Variants in TMC1 observed in about 807,000 individuals in gnomAD.
TMC1 encodes the protein transmembrane channel-like protein 1.
A neutral mutation model predicts 105.8 loss-of-function variants in TMC1; 84 were observed. The ratio of observed to expected loss-of-function variants is 0.79; its 90% CI spans 0.67 to 0.95. The LOEUF (loss-of-function observed/expected upper bound fraction) is 0.95, where lower values mean the gene tolerates loss of function less well. TMC1 is among the 40% of genes least tolerant of loss of function. TMC1 has a pLI of 0.00. For missense variants in TMC1, 817 were observed against 914.1 expected (o/e 0.89, Z 1.37); for synonymous variants, 315 against 311.5 (o/e 1.01, Z -0.12).
intron 12 of TMC1, among the ~76,000 whole-genome samples, chr9:72,763,653 G>A (rs1031928867): frequency 2.3e-4 from 35 of 152,160 alleles, no homozygotes; most frequent in African/African-American, 8.2e-4. Flanking sequence ...ATGATAAGAG[G>A]TGGCCTTATT....
chr9:72,805,287 C>A, intron 17 of TMC1, 95 bp from the exon 18 acceptor site: 3 of 1,406,384 alleles, frequency 2.1e-6, no homozygotes, highest in South Asian at 1.2e-5. Flanking sequence ...AGTCTTCAAG[C>A]CAATACTTCT....
At chr9:72,719,369 G>A (rs1826977200) in intron 8 of TMC1, among the ~76,000 whole-genome samples, 1 of 152,098 alleles carries the variant, frequency 6.6e-6, no homozygotes, top group African/African-American at 2.4e-5. Flanking sequence ...CTTTTCCTGT[G>A]GCTTCTTCTA....
chr9:72,789,069 G>C, intron 14 of TMC1, 54 bp from the exon 15 acceptor site: 1 of 1,545,326 alleles, frequency 6.5e-7, no homozygotes, highest in African/African-American at 1.4e-5. Flanking sequence ...TTAAAATGTA[G>C]CTAAGATATT....
intron 20 of TMC1, among the ~76,000 whole-genome samples, chr9:72,824,735 C>T (rs375073002): frequency 6.6e-6 from 1 of 152,146 alleles, no homozygotes; most frequent in African/African-American, 2.4e-5. Flanking sequence ...AGTATAGAAA[C>T]CCAACTAGGA....
At chr9:72,725,701 T>C (rs1224689332) in intron 8 of TMC1, among the ~76,000 whole-genome samples, 2 of 151,584 alleles carry the variant, frequency 1.3e-5, no homozygotes, top group South Asian at 2.1e-4. Context: ...CTCTCTCTCT[T>C]TTTTTTTGAG....
intron 18 of TMC1, 60 bp from the exon 19 acceptor site, chr9:72,816,083 T>C (rs777065896): frequency 6.7e-7 from 1 of 1,502,970 alleles, no homozygotes; most frequent in Non-Finnish European, 9.3e-7. Context: ...TGCAGAACAA[T>C]TTGCCTTTCA....
At chr9:72,587,265 T>TAA (rs1824569517) in intron 2 of TMC1, among the ~76,000 whole-genome samples, 2 of 152,028 alleles carry the variant, frequency 1.3e-5, no homozygotes, top group African/African-American at 4.8e-5. Flanking sequence ...TTCAAGTGAT[T>TAA]CTCCTGCCTC....
chr9:72,682,900 G>A (rs1588029124), intron 5 of TMC1, among the ~76,000 whole-genome samples: 1 of 152,170 alleles, frequency 6.6e-6, no homozygotes, highest in South Asian at 2.1e-4. Context: ...TACAATCATG[G>A]CAGAAGGCAA....
At chr9:72,646,105 A>T (rs1371662749) in intron 4 of TMC1, among the ~76,000 whole-genome samples, 3 of 152,216 alleles carry the variant, frequency 2.0e-5, no homozygotes, top group Non-Finnish European at 4.4e-5. Flanking sequence ...TTTTGTGAAT[A>T]TTCCAAAATT....
rs11143398 is a variant in TMC1 at position 72,828,857 on chromosome 9, G to A, written c.2130-1594G>A. ...AGGGTCAGCACACTTTTCCTAATTC[G>A]AGGGCCAGAGGCAAATTAGGCCAAG... On this transcript the variant is annotated intron_variant, in intron 21 of 23. Transcript: ENST00000297784. Among the ~76,000 whole-genome samples, 211 of 152,302 alleles carry A rather than the reference G, an allele frequency of 1.4e-3. 7 individuals carry two copies. The East Asian group carries it at 0.035, about 25-fold the overall frequency.
At chr9:72,538,492 A>G (rs1371035377) in intron 1 of TMC1, among the ~76,000 whole-genome samples, 1 of 151,488 alleles carries the variant, frequency 6.6e-6, no homozygotes, top group Non-Finnish European at 1.5e-5. Context: ...GCTGGAGTGC[A>G]GTGGCACGAT....
At chr9:72,666,144 C>T (rs1009481095) in intron 5 of TMC1, among the ~76,000 whole-genome samples, 6 of 152,006 alleles carry the variant, frequency 3.9e-5, no homozygotes, top group Admixed American at 6.5e-5. Flanking sequence ...GGCCAGGCAG[C>T]GTGGCTTACG....
chr9:72,704,053 C>A (rs1024975325), intron 8 of TMC1, among the ~76,000 whole-genome samples: 6 of 152,182 alleles, frequency 3.9e-5, no homozygotes, highest in African/African-American at 1.4e-4. Context: ...ACAGAACGTG[C>A]AGGTAAATGT....
intron 17 of TMC1, 113 bp downstream of exon 17, chr9:72,792,465 T>A: frequency 4.7e-6 from 6 of 1,268,426 alleles, no homozygotes; most frequent in Non-Finnish European, 6.9e-6. Context: ...ATAGCTAAGA[T>A]TTGTTGAATG....
intron 1 of TMC1, among the ~76,000 whole-genome samples, chr9:72,532,738 G>T (rs1823521081): frequency 1.3e-5 from 2 of 152,156 alleles, no homozygotes; most frequent in African/African-American, 2.4e-5. Context: ...GCTTCAAAAA[G>T]AGTGCAATAG....
rs149348731 is a variant in TMC1, at chr9:72,809,183, GC to G, written c.1695+3674del. On this transcript the variant is annotated intron_variant, in intron 18 of 23. Transcript: ENST00000297784. The stretch of plus-strand genomic sequence containing the variant: ...GCTTGTACTTACCTTTTATCCCTTG[GC>G]TGCCTTCTTCTTAAGTGGCAGAAAA... The G allele has an allele frequency of 1.1e-3, 167 of 152,268 alleles. 1 individual carries two copies. Among genetic ancestry groups the G allele is most frequent in the African/African-American group, 3.8e-3 (159 of 41,540 alleles). 9.4% of individuals were successfully genotyped at this position (152,268 alleles called of 1,614,324 possible). A position where few individuals can be genotyped will look rare whatever the true frequency, so the allele number is the denominator to read the frequency against.
In TMC1 at chr9:72,601,181, C is replaced by CACAG. The variant is rs1554714590; in HGVS notation, c.-305-15184_-305-15183insGACA. Among the ~76,000 whole-genome samples, 408 of 121,778 alleles carry CACAG rather than the reference C, an allele frequency of 3.4e-3. 4 individuals are homozygous for CACAG. Among genetic ancestry groups the CACAG allele is most frequent in the African/African-American group, 0.013 (372 of 27,734 alleles). 79.9% of individuals were successfully genotyped at this position (121,778 alleles called of 152,430 possible). A position where few individuals can be genotyped will look rare whatever the true frequency, so the allele number is the denominator to read the frequency against. ...AAGACACTGTTTCTACACACACACACACACACACACACAGACACACACACA... is the reference window on the plus strand; with the variant it reads ...AAGACACTGTTTCTACACACACACACACAGACACACACACACAGACACACACACA... On this transcript the variant is annotated intron_variant, in intron 2 of 23. Coordinates refer to ENST00000297784, the MANE Select transcript of TMC1 (RefSeq NM_138691.3).
chr9:72,801,022 C>T (rs1588089807), intron 17 of TMC1, among the ~76,000 whole-genome samples: 1 of 152,186 alleles, frequency 6.6e-6, no homozygotes, highest in South Asian at 2.1e-4. Flanking sequence ...TAGATATGCA[C>T]CCTCATTCAT....
At chr9:72,762,504 C>T (rs140996376) in intron 12 of TMC1, among the ~76,000 whole-genome samples, 5 of 152,254 alleles carry the variant, frequency 3.3e-5, no homozygotes, top group African/African-American at 9.6e-5. Flanking sequence ...GACCTGTTTC[C>T]CACATCCATC....
Sources: allele counts gnomAD v4.1 joint callset (sites outside exome capture counted in the v4.1 genomes callset), GRCh38; gene constraint gnomAD v4.1.1; transcripts MANE v1.5; gene names NCBI Gene and HGNC (gene_info 2026-07-23, HGNC 2026-07-21).